The following DMD variants were observed in gnomAD, a reference collection of about 807,000 sequenced individuals.
DMD encodes dystrophin.
In DMD, 63 loss-of-function variants were observed where a neutral mutation model predicts 330.1. That is an observed-to-expected ratio of 0.19 (90% CI 0.16 to 0.24). DMD has a LOEUF of 0.24. DMD is among the 10% of genes least tolerant of loss of function. The pLI is 1.00. For synonymous variants in DMD, 1,223 were observed against 959.8 expected, an observed-to-expected ratio of 1.27 and a Z score of -5.07; for missense variants, 3,344 against 2,684.1, an observed-to-expected ratio of 1.25 and a Z score of -5.43.
chrX:32,612,600 C>T (rs892780340), intron 12 of DMD, among the ~76,000 whole-genome samples: 6 of 111,118 alleles, frequency 5.4e-5, no homozygotes, highest in Middle Eastern at 4.6e-3. Flanking sequence ...CCAGTGTAGG[C>T]CAAGGGAAAG....
rs901186599 is a variant in DMD, at chrX:32,511,940, G to A, written c.2292+6068C>T. Among the ~76,000 whole-genome samples the A allele has an allele frequency of 6.3e-5, 7 of 111,700 alleles. No homozygotes were observed. The East Asian group carries it at 1.4e-3, about 22-fold the overall frequency. On this transcript the variant is annotated intron_variant, in intron 18 of 78. Transcript: ENST00000357033. ...AATTATTTAGTACACATAATTTCAA[G>A]TAAAGTATACAGAAGCTAAAAAAGG...
At chrX:32,927,502 G>T (rs1185075059) in intron 2 of DMD, among the ~76,000 whole-genome samples, 1 of 107,520 alleles carries the variant, frequency 9.3e-6, no homozygotes, top group Non-Finnish European at 1.9e-5. Context: ...GGCTGGTCTT[G>T]AACTCCCGGC....
intron 1 of DMD, among the ~76,000 whole-genome samples, chrX:33,066,446 CA>C (rs778464677): frequency 0.035 from 1,322 of 38,312 alleles, 11 homozygotes; most frequent in Non-Finnish European, 0.047. Context: ...GAGACTCTGT[CA>C]AAAAAAAAAA....
intron 21 of DMD, among the ~76,000 whole-genome samples, chrX:32,479,637 T>A (rs775267843): frequency 1.8e-5 from 2 of 110,179 alleles, no homozygotes; most frequent in African/African-American, 6.6e-5. Flanking sequence ...GACTGTATAG[T>A]ATTCCATTGC....
At chrX:31,872,775 G>T (rs958546085) in intron 48 of DMD, among the ~76,000 whole-genome samples, 4 of 111,509 alleles carry the variant, frequency 3.6e-5, no homozygotes, top group Non-Finnish European at 5.6e-5. Context: ...TTTGGCTAAG[G>T]TTATTGTGTA....
At chrX:31,180,273 G>T in intron 69 of DMD, 97 bp downstream of exon 69, 2 of 641,948 alleles carry the variant, frequency 3.1e-6, no homozygotes, top group South Asian at 2.3e-5. Context: ...CTGGGGAAGT[G>T]ACAAATCACA....
chrX:32,106,761 T>C (rs990855012), intron 44 of DMD, among the ~76,000 whole-genome samples: 3 of 111,784 alleles, frequency 2.7e-5, no homozygotes, highest in Non-Finnish European at 5.6e-5. Flanking sequence ...TTAATAAAAT[T>C]ATAGGGATTT....
At chrX:31,646,561 G>A (rs925595966) in intron 54 of DMD, among the ~76,000 whole-genome samples, 9 of 111,149 alleles carry the variant, frequency 8.1e-5, no homozygotes, top group Non-Finnish European at 1.7e-4. Flanking sequence ...GTAACACTGC[G>A]GTCTTGGGTA....
intron 1 of DMD, among the ~76,000 whole-genome samples, chrX:33,256,418 A>G (rs1370590707): frequency 1.8e-5 from 2 of 110,688 alleles, no homozygotes; most frequent in Admixed American, 1.9e-4. Context: ...AGCGTCAAGC[A>G]TGGTTACATT....
intron 44 of DMD, among the ~76,000 whole-genome samples, chrX:32,078,510 C>T (rs1050000039): frequency 8.9e-6 from 1 of 112,297 alleles, no homozygotes; most frequent in Non-Finnish European, 1.9e-5. Flanking sequence ...TTTATAAAAA[C>T]GAACAAGTCT....
chrX:32,028,323 G>C (rs2095861020), intron 44 of DMD, among the ~76,000 whole-genome samples: 1 of 111,092 alleles, frequency 9.0e-6, no homozygotes, highest in Non-Finnish European at 1.9e-5. Flanking sequence ...ATGAATGGAA[G>C]CAGTTGCATA....
At chrX:31,721,077 T>C (rs772762956) in intron 52 of DMD, among the ~76,000 whole-genome samples, 8 of 111,792 alleles carry the variant, frequency 7.2e-5, no homozygotes, top group South Asian at 3.8e-4. Context: ...GATAGAACTC[T>C]GAAATTCATT....
intron 2 of DMD, among the ~76,000 whole-genome samples, chrX:32,969,027 C>CCAAAAAAA (rs2092280100): frequency 6.1e-4 from 12 of 19,813 alleles, no homozygotes; most frequent in African/African-American, 1.9e-3. Context: ...GATTCTGTCT[C>CCAAAAAAA]AAAAAAAAAA....
At chrX:31,459,328 A>C (rs2149157442) in intron 59 of DMD, among the ~76,000 whole-genome samples, 1 of 112,486 alleles carries the variant, frequency 8.9e-6, no homozygotes, top group African/African-American at 3.2e-5. Flanking sequence ...GGAAAAAAGT[A>C]AATGAAAGGA....
At chrX:32,626,580 G>T in intron 11 of DMD, among the ~76,000 whole-genome samples, 1 of 105,318 alleles carries the variant, frequency 9.5e-6, no homozygotes, top group Non-Finnish European at 1.9e-5. Context: ...GCAACTAGAT[G>T]CTTCTAGAAT....
chrX:31,727,170 G>T (rs2086125583), intron 52 of DMD, among the ~76,000 whole-genome samples: 1 of 112,173 alleles, frequency 8.9e-6, no homozygotes. Context: ...AGTATGTTCA[G>T]ATTTGCATAA....
intron 28 of DMD, 25 bp from the exon 29 acceptor site, chrX:32,438,415 T>G: frequency 8.3e-7 from 1 of 1,204,607 alleles, no homozygotes; most frequent in Non-Finnish European, 1.1e-6. Context: ...CAATAATTAC[T>G]ATTTCTCCTT....
intron 29 of DMD, among the ~76,000 whole-genome samples, chrX:32,427,357 G>C (rs1016361022): frequency 9.0e-6 from 1 of 111,150 alleles, no homozygotes; most frequent in African/African-American, 3.3e-5. Flanking sequence ...TGGATATATG[G>C]TCTGAAGTTA....
At chrX:31,510,864 C>CA (rs2071465033) in intron 55 of DMD, among the ~76,000 whole-genome samples, 1 of 110,959 alleles carries the variant, frequency 9.0e-6, no homozygotes, top group African/African-American at 3.3e-5. Context: ...CACCTGTGAG[C>CA]AAAAAATGTT....
Sources: allele counts gnomAD v4.1 joint callset (sites outside exome capture counted in the v4.1 genomes callset), GRCh38; gene constraint gnomAD v4.1.1; transcripts MANE v1.5; gene names NCBI Gene and HGNC (gene_info 2026-07-23, HGNC 2026-07-21).